Variants in ARHGAP28 observed in about 807,000 individuals in gnomAD.
ARHGAP28 encodes rho GTPase-activating protein 28.
ARHGAP28 carries 56 observed loss-of-function variants against 90.7 expected under a neutral mutation model. That is an observed-to-expected ratio of 0.62 (90% CI 0.50 to 0.77). The LOEUF (loss-of-function observed/expected upper bound fraction) is 0.77, where lower values mean the gene tolerates loss of function less well. Among genes scored for constraint, ARHGAP28 ranks in the 30% least tolerant of loss-of-function variants. The pLI is 0.00. For synonymous variants in ARHGAP28, 308 were observed against 323.3 expected, an observed-to-expected ratio of 0.95 and a Z score of 0.51; for missense variants, 869 against 900.9, an observed-to-expected ratio of 0.96 and a Z score of 0.45.
At chr18:6,769,584 A>G (rs1420379699) in intron 1 of ARHGAP28, among the ~76,000 whole-genome samples, 1 of 152,204 alleles carries the variant, frequency 6.6e-6, no homozygotes, top group Non-Finnish European at 1.5e-5. Flanking sequence ...TATTTTATTC[A>G]CGAGGAAAGC....
At chr18:6,898,417 G>GT (rs757271544) in intron 16 of ARHGAP28, 2 of 1,347,806 alleles carry the variant, frequency 1.5e-6, no homozygotes. Context: ...ACATTAACCC[G>GT]TTTTCCACTT....
At chr18:6,841,212 T>TC (rs1191824060) in intron 3 of ARHGAP28, among the ~76,000 whole-genome samples, 126 of 104,676 alleles carry the variant, frequency 1.2e-3, no homozygotes, top group East Asian at 3.2e-3. Flanking sequence ...TCCTCTCCTC[T>TC]CTCTCTCTCT....
Position 6,729,950 on chromosome 18 carries a change from G to C in ARHGAP28, c.122+7G>C. 3 of 1,354,780 alleles carry C rather than the reference G, an allele frequency of 2.2e-6. No individual in the cohort carries two copies. The highest frequency in any genetic ancestry group is 2.8e-6 in the Non-Finnish European group (3 of 1,058,114). The allele number at this position is 1,354,780 out of a possible 1,614,324, so 83.9% of individuals were successfully genotyped here. Reference sequence around the variant, plus strand: ...CCAGCCACCCGCTCAGCAGGTACCCGGAGCCGCTCCCACCAGGGCGGCGCA... The same window carrying C: ...CCAGCCACCCGCTCAGCAGGTACCCCGAGCCGCTCCCACCAGGGCGGCGCA... On this transcript the variant is annotated splice_region_variant and intron_variant, in intron 1 of 17. Coordinates refer to ENST00000383472, the MANE Select transcript of ARHGAP28 (RefSeq NM_001366230.1).
intron 3 of ARHGAP28, among the ~76,000 whole-genome samples, chr18:6,841,811 C>T (rs558927985): frequency 1.3e-5 from 2 of 152,066 alleles, no homozygotes; most frequent in Non-Finnish European, 2.9e-5. Flanking sequence ...AAAAATTCAT[C>T]CTGGTCAGTA....
chr18:6,788,036 T>C (rs1360071914), intron 1 of ARHGAP28, among the ~76,000 whole-genome samples: 1 of 152,194 alleles, frequency 6.6e-6, no homozygotes, highest in Non-Finnish European at 1.5e-5. Context: ...TGCATGTCTG[T>C]AGTTGATAAG....
chr18:6,873,849 A>T, intron 9 of ARHGAP28, 74 bp downstream of exon 9: 2 of 1,258,846 alleles, frequency 1.6e-6, no homozygotes, highest in South Asian at 2.6e-5. Flanking sequence ...AAACCCACAA[A>T]TGAATTTTCT....
At chr18:6,803,299 T>C (rs1321493355) in intron 1 of ARHGAP28, among the ~76,000 whole-genome samples, 2 of 152,202 alleles carry the variant, frequency 1.3e-5, no homozygotes, top group African/African-American at 4.8e-5. Flanking sequence ...GAAAGGATGC[T>C]GGATTTTGTC....
intron 6 of ARHGAP28, among the ~76,000 whole-genome samples, chr18:6,869,941 T>G (rs1371156058): frequency 1.3e-5 from 2 of 152,206 alleles, no homozygotes; most frequent in African/African-American, 2.4e-5. Context: ...GTCTTAACTT[T>G]CAAATTAGCT....
At chr18:6,901,558 C>T (rs905818324) in intron 16 of ARHGAP28, among the ~76,000 whole-genome samples, 1 of 132,540 alleles carries the variant, frequency 7.5e-6, no homozygotes, top group African/African-American at 2.8e-5. Flanking sequence ...AAAAAAAAAA[C>T]AGCCCTTTAT....
intron 1 of ARHGAP28, among the ~76,000 whole-genome samples, chr18:6,770,543 C>T (rs1484879447): frequency 1.3e-5 from 2 of 152,194 alleles, no homozygotes; most frequent in Non-Finnish European, 1.5e-5. Context: ...CCCCTGGGAT[C>T]AAACATGCTC....
intron 1 of ARHGAP28, among the ~76,000 whole-genome samples, chr18:6,795,692 T>C (rs183916037): frequency 4.7e-4 from 72 of 152,270 alleles, no homozygotes; most frequent in African/African-American, 1.7e-3. Context: ...CCTGCAGCAC[T>C]CCAGATTTGT....
intron 14 of ARHGAP28, among the ~76,000 whole-genome samples, chr18:6,891,029 G>A (rs2057261227): frequency 6.6e-6 from 1 of 152,216 alleles, no homozygotes; most frequent in Admixed American, 6.5e-5. Flanking sequence ...GGCACATAAT[G>A]CCAACAAGTT....
chr18:6,782,785 T>G (rs2056336178), intron 1 of ARHGAP28, among the ~76,000 whole-genome samples: 2 of 151,442 alleles, frequency 1.3e-5, no homozygotes, highest in Non-Finnish European at 2.9e-5. Context: ...TATATACAAT[T>G]ATATAATTGT....
chr18:6,839,887 C>T (rs1239468610), intron 3 of ARHGAP28, among the ~76,000 whole-genome samples: 1 of 152,194 alleles, frequency 6.6e-6, no homozygotes, highest in Non-Finnish European at 1.5e-5. Flanking sequence ...CATTCATGTT[C>T]ATTCGAAATT....
chr18:6,735,413 G>A (rs182722267), intron 1 of ARHGAP28, among the ~76,000 whole-genome samples: 1 of 152,276 alleles, frequency 6.6e-6, no homozygotes. Flanking sequence ...ACTGAATTTT[G>A]TTGTATCTCC....
chr18:6,894,209 A>C (rs1197355590), intron 14 of ARHGAP28, among the ~76,000 whole-genome samples: 1 of 152,130 alleles, frequency 6.6e-6, no homozygotes, highest in African/African-American at 2.4e-5. Flanking sequence ...TGGAATAGAC[A>C]GTTCATTAAC....
intron 3 of ARHGAP28, among the ~76,000 whole-genome samples, chr18:6,847,197 T>G (rs1235235217): frequency 6.6e-6 from 1 of 152,124 alleles, no homozygotes; most frequent in Non-Finnish European, 1.5e-5. Flanking sequence ...AACCTGCTAT[T>G]AGGCCACCTG....
At chr18:6,827,799 G>A (rs1313540917) in intron 2 of ARHGAP28, among the ~76,000 whole-genome samples, 1 of 152,042 alleles carries the variant, frequency 6.6e-6, no homozygotes, top group Non-Finnish European at 1.5e-5. Context: ...GGGCGGCCGG[G>A]CAGAGACGCT....
intron 3 of ARHGAP28, chr18:6,850,724 G>T: frequency 8.2e-7 from 1 of 1,222,378 alleles, no homozygotes; most frequent in Admixed American, 2.4e-5. Flanking sequence ...TTTTTAGTTA[G>T]AACATACCAT....
Sources: gnomAD v4.1 joint callset for allele counts (sites outside exome capture counted in the v4.1 genomes callset) on GRCh38, gnomAD v4.1.1 for gene constraint, MANE v1.5 for transcripts, NCBI Gene and HGNC (gene_info 2026-07-23, HGNC 2026-07-21) for gene names.